The following PIKFYVE variants were observed in gnomAD, a reference collection of about 807,000 sequenced individuals.
The protein encoded by PIKFYVE is 1-phosphatidylinositol 3-phosphate 5-kinase.
A neutral mutation model predicts 257.9 loss-of-function variants in PIKFYVE; 122 were observed. The ratio of observed to expected loss-of-function variants is 0.47; its 90% CI spans 0.41 to 0.55. The LOEUF is 0.55. Among genes scored for constraint, PIKFYVE ranks in the 20% least tolerant of loss-of-function variants. The probability of loss-of-function intolerance (pLI) is 0.00; values close to 1 mark genes in which losing one functional copy is unlikely to be tolerated. For missense variants in PIKFYVE, 2,160 were observed against 2,536.6 expected (o/e 0.85, Z 3.19); for synonymous variants, 892 against 868.9 (o/e 1.03, Z -0.47).
chr2:208,350,515 C>CT lies in PIKFYVE; in HGVS notation c.5435-248dup, dbSNP rs773068355. The stretch of plus-strand genomic sequence containing the variant: ...AACAAGTGTAAAATTAGAACTGAGT[C>CT]TTTTTTTTATGTGATTTTTATTTTT... On this transcript the variant is annotated intron_variant, in intron 36 of 41. Coordinates refer to ENST00000264380, the MANE Select transcript of PIKFYVE (RefSeq NM_015040.4). Among the ~76,000 whole-genome samples the CT allele has an allele frequency of 1.1e-3, 168 of 151,662 alleles. 2 individuals carry two copies. Among genetic ancestry groups the CT allele is most frequent in the Non-Finnish European group, 1.9e-3 (127 of 67,888 alleles).
intron 12 of PIKFYVE, among the ~76,000 whole-genome samples, chr2:208,309,712 A>C (rs1694742144): frequency 6.6e-6 from 1 of 152,230 alleles, no homozygotes; most frequent in South Asian, 2.1e-4. Context: ...AGTTGGGAGT[A>C]GTGAACTTTT....
At chr2:208,291,291 GT>G (rs1445279346) in intron 7 of PIKFYVE, among the ~76,000 whole-genome samples, 1 of 152,068 alleles carries the variant, frequency 6.6e-6, no homozygotes, top group Non-Finnish European at 1.5e-5. Flanking sequence ...GATGTGATGG[GT>G]TATATTAATT....
At chr2:208,345,073 T>A in intron 32 of PIKFYVE, 38 bp from the exon 33 acceptor site, 1 of 1,351,418 alleles carries the variant, frequency 7.4e-7, no homozygotes, top group South Asian at 1.2e-5. Context: ...AAAGAAGAAG[T>A]TAATGTTTAA....
chr2:208,283,078 A>C (rs965849962), intron 5 of PIKFYVE, among the ~76,000 whole-genome samples: 1 of 152,026 alleles, frequency 6.6e-6, no homozygotes, highest in Non-Finnish European at 1.5e-5. Context: ...CTCGGTTCCT[A>C]ACAGGCTACG....
chr2:208,299,943 G>T (rs1280783857), intron 8 of PIKFYVE, among the ~76,000 whole-genome samples: 1 of 152,042 alleles, frequency 6.6e-6, no homozygotes, highest in Admixed American at 6.6e-5. Context: ...TTGAGGCCAG[G>T]GGTTTGAGGC....
intron 5 of PIKFYVE, among the ~76,000 whole-genome samples, chr2:208,285,473 CT>C (rs201549397): frequency 8.6e-5 from 13 of 151,322 alleles, no homozygotes; most frequent in African/African-American, 2.4e-4. Flanking sequence ...AATGATGGCT[CT>C]TTTTTTTTCT....
chr2:208,348,063 G>C (rs765892958), intron 35 of PIKFYVE, 40 bp downstream of exon 35: 1 of 1,603,326 alleles, frequency 6.2e-7, no homozygotes, highest in Admixed American at 1.7e-5. Flanking sequence ...TCTATGCTTT[G>C]ATTTATTTAT....
chr2:208,317,555 C>T (rs1695686470), intron 15 of PIKFYVE, among the ~76,000 whole-genome samples: 1 of 152,080 alleles, frequency 6.6e-6, no homozygotes, highest in Non-Finnish European at 1.5e-5. Context: ...GTAATGGAGT[C>T]CTGTGTGTGC....
rs751937835 is a variant in PIKFYVE at position 208,273,725 on chromosome 2, C to G, written c.314C>G (p.Ser105Ter). 6.2e-7 allele frequency: 1 copy of G among 1,614,198 alleles called. No individual in the cohort carries two copies. The highest frequency in any genetic ancestry group is 8.5e-7 in the Non-Finnish European group (1 of 1,180,014). ...QLNEELQRRS[S>*]ALDTRRKAEP... ...AATGAGGAACTCCAGCGGCGCTCTTCAGCATTAGGTAAAACAGTGTTCTTA... is the reference window on the plus strand; with the variant it reads ...AATGAGGAACTCCAGCGGCGCTCTTGAGCATTAGGTAAAACAGTGTTCTTA... The change falls in exon 3 of 42, where the codon TCA becomes TGA. Residue 105 changes from serine (S) to a stop codon, truncating the protein, a stop_gained. Transcript: ENST00000264380. LOFTEE classifies it high-confidence loss of function.
chr2:208,298,754 C>T lies in PIKFYVE; in HGVS notation c.1025C>T (p.Thr342Ile). Reference protein sequence around the residue: ...ANRTYVRTETTEDERKILLDS... With the variant: ...ANRTYVRTETIEDERKILLDS... ...CGAACATATGTTAGGACAGAGACCACTGAGGATGAACGCAAAATTCTTCTG... is the reference window on the plus strand; with the variant it reads ...CGAACATATGTTAGGACAGAGACCATTGAGGATGAACGCAAAATTCTTCTG... The change falls in exon 8 of 42, where the codon ACT becomes ATT. Residue 342 changes from threonine (T) to isoleucine (I), a missense_variant. Thr to Ile is a moderately conservative substitution (Grantham distance 89). This residue lies in a region of PIKFYVE where 187 missense variants were observed against 185.6 expected (regional missense o/e 1.01). Transcript: ENST00000264380. The T allele has an allele frequency of 6.2e-7, 1 of 1,614,142 alleles. No individual in the cohort carries two copies. Among genetic ancestry groups the T allele is most frequent in the Non-Finnish European group, 8.5e-7 (1 of 1,180,006 alleles).
intron 21 of PIKFYVE, among the ~76,000 whole-genome samples, chr2:208,329,331 A>T (rs10755022): frequency 1 from 151,595 of 152,300 alleles, 75,451 homozygotes; most frequent in Middle Eastern, 1. Flanking sequence ...CATGGGAATT[A>T]TCTCTGGGAG....
rs772136679 is a variant in PIKFYVE, at chr2:208,326,417, G to C, written c.3606G>C (p.Val1202=). ...GAGGGCTTATTCTGAGTGATGCTGT[G>C]TGGTCAACAAAGGTGAGCCAGACCA... The part of the protein sequence containing the change: ...EERGLILSDA[V]WSTKVDCLNP... The change falls in exon 20 of 42, where the codon GTG becomes GTC. Residue 1202 remains valine, a synonymous_variant. Coordinates refer to ENST00000264380, the MANE Select transcript of PIKFYVE (RefSeq NM_015040.4). The C allele has an allele frequency of 3.7e-6, 6 of 1,614,072 alleles. No individual in the cohort carries two copies. The Admixed American group carries it at 6.7e-5, about 18-fold the overall frequency.
intron 7 of PIKFYVE, among the ~76,000 whole-genome samples, chr2:208,289,789 A>G (rs757885312): frequency 2.0e-4 from 31 of 151,990 alleles, no homozygotes; most frequent in Middle Eastern, 3.4e-3. Flanking sequence ...GATGGTCTTG[A>G]ACTTCTGACC....
At chr2:208,342,481 A>T in intron 31 of PIKFYVE, 73 bp from the exon 32 acceptor site, 1 of 1,136,086 alleles carries the variant, frequency 8.8e-7, no homozygotes, top group Non-Finnish European at 1.3e-6. Flanking sequence ...ATCTGCATAC[A>T]TTTTGGCTTT....
At position 208,339,382 on chromosome 2, in the gene PIKFYVE, T is replaced by G. The variant is rs766177578; in HGVS notation, c.4673-36T>G. 5.0e-6 allele frequency: 8 copies of G among 1,608,950 alleles called. No individual in the cohort carries two copies. The Admixed American group carries it at 5.0e-5, about 10-fold the overall frequency. On this transcript the variant is annotated intron_variant, in intron 29 of 41. Coordinates refer to ENST00000264380, the MANE Select transcript of PIKFYVE (RefSeq NM_015040.4). ...ATTAGGTAGACATGGACTTAATGTA[T>G]GTAAATGACTCATTTAAGATTGTGT...
chr2:208,325,184 A>G lies in PIKFYVE; in HGVS notation c.2459-86A>G, dbSNP rs111863670. 5.2e-4 allele frequency: 817 copies of G among 1,557,894 alleles called. 3 individuals are homozygous for G. In the African/African-American group the frequency reaches 9.3e-3, roughly 18 times the overall value. ...ATTCATGTAAGAGTTTTTCTTTTAC[A>G]GATATTAAGAGAGTGAATTAATTCT... On this transcript the variant is annotated intron_variant, in intron 19 of 41. Transcript: ENST00000264380.
intron 7 of PIKFYVE, among the ~76,000 whole-genome samples, chr2:208,293,246 C>A (rs1201949825): frequency 6.6e-6 from 1 of 152,072 alleles, no homozygotes; most frequent in Non-Finnish European, 1.5e-5. Flanking sequence ...GCATTCATTT[C>A]ACTTACATAT....
rs7579615 is a variant in PIKFYVE, at chr2:208,306,353, G to A, written c.1636+1340G>A. On this transcript the variant is annotated intron_variant, in intron 12 of 41. Coordinates refer to ENST00000264380, the MANE Select transcript of PIKFYVE (RefSeq NM_015040.4). ...AATTAACTATAGATGGTGGTCACTTGGAGGATATTATGAAGGTTTTGAATA... is the reference window on the plus strand; with the variant it reads ...AATTAACTATAGATGGTGGTCACTTAGAGGATATTATGAAGGTTTTGAATA... 8.7e-3 allele frequency among the ~76,000 whole-genome samples: 1,327 copies of A among 152,292 alleles called. 11 individuals are homozygous for A. The highest frequency in any genetic ancestry group is 0.03 in the African/African-American group (1,232 of 41,558).
Position 208,324,851 on chromosome 2 carries a change from A to T in PIKFYVE, c.2332-60A>T, listed in dbSNP as rs1017346605. 13 of 1,580,920 alleles carry T rather than the reference A, an allele frequency of 8.2e-6. No individual in the cohort carries two copies. In the African/African-American group the frequency reaches 1.6e-4, roughly 20 times the overall value. ...ATTTTTCCATTACTTTTCCAGATTA[A>T]ATTTACAAAGATTTTTATTCTTCTC... On this transcript the variant is annotated intron_variant, in intron 18 of 41. Transcript: ENST00000264380.
Sources: gnomAD v4.1 joint callset for allele counts (sites outside exome capture counted in the v4.1 genomes callset) on GRCh38, gnomAD v4.1.1 for gene constraint, gnomAD v4.1.1 regional missense constraint, MANE v1.5 for transcripts, NCBI Gene and HGNC (gene_info 2026-07-23, HGNC 2026-07-21) for gene names.